AFF3: variants seen among roughly 807,000 people sequenced by gnomAD.
AFF3 encodes AF4/FMR2 family member 3.
Under a neutral mutation model 129.7 loss-of-function variants are expected in AFF3, and 32 were observed. The observed-to-expected ratio is 0.25, with a 90% CI of 0.19 to 0.33. The LOEUF (loss-of-function observed/expected upper bound fraction) is 0.33. Ranked by LOEUF, AFF3 falls within the 10% of genes least tolerant of loss-of-function variation. The pLI, the probability that AFF3 is intolerant of heterozygous loss-of-function variation, is 1.00. For synonymous variants in AFF3, 644 were observed against 635.4 expected (o/e 1.01, Z -0.20); for missense variants, 1,373 against 1,592.0 (o/e 0.86, Z 2.34).
intron 7 of AFF3, among the ~76,000 whole-genome samples, chr2:99,983,658 C>A (rs1208524370): frequency 1.3e-5 from 2 of 152,052 alleles, no homozygotes; most frequent in Non-Finnish European, 2.9e-5. Flanking sequence ...ATGATCTGGG[C>A]AATCTAGGTG....
chr2:99,604,637 C>T (rs781507388), intron 13 of AFF3, among the ~76,000 whole-genome samples: 9 of 152,060 alleles, frequency 5.9e-5, no homozygotes, highest in African/African-American at 9.7e-5. Flanking sequence ...TTAAAAAAAT[C>T]GTTTTTTGGT....
In AFF3 at chr2:99,645,536, T is replaced by C. The variant is rs988046798; in HGVS notation, c.1184+4090A>G. On this transcript the variant is annotated intron_variant, in intron 13 of 24. Coordinates refer to ENST00000672756, the MANE Select transcript of AFF3 (RefSeq NM_001386135.1). ...ACACCATCCCACTCTCACACACCCC[T>C]TCTTGTCACTGCTGGGCGGGAGGCG... Among the ~76,000 whole-genome samples the C allele has an allele frequency of 3.3e-5, 5 of 152,106 alleles. 1 individual carries two copies. Among genetic ancestry groups the C allele is most frequent in the African/African-American group, 1.2e-4 (5 of 41,432 alleles).
chr2:100,046,676 A>G (rs889441291), intron 4 of AFF3, among the ~76,000 whole-genome samples: 1 of 152,210 alleles, frequency 6.6e-6, no homozygotes, highest in African/African-American at 2.4e-5. Flanking sequence ...TATTTTAGAT[A>G]AATTATCTGT....
intron 13 of AFF3, chr2:99,630,973 G>C (rs913349028): frequency 1.3e-5 from 6 of 458,702 alleles, no homozygotes; most frequent in African/African-American, 2.0e-5. Context: ...GTGGAGCTGA[G>C]ACAGAGGAGG....
chr2:99,976,409 G>A (rs1048150128), intron 7 of AFF3, among the ~76,000 whole-genome samples: 6 of 152,114 alleles, frequency 3.9e-5, no homozygotes, highest in South Asian at 2.1e-4. Flanking sequence ...CATCGTTCCC[G>A]CAGATATACA....
intron 11 of AFF3, among the ~76,000 whole-genome samples, chr2:99,709,213 A>AT (rs1677680559): frequency 6.6e-6 from 1 of 152,124 alleles, no homozygotes; most frequent in African/African-American, 2.4e-5. Flanking sequence ...AAATAGGGAG[A>AT]TCTCTTTTTT....
At chr2:99,621,102 C>T (rs1371235100) in intron 13 of AFF3, among the ~76,000 whole-genome samples, 5 of 152,220 alleles carry the variant, frequency 3.3e-5, no homozygotes, top group African/African-American at 9.6e-5. Context: ...ATGCCTAACC[C>T]GAATTTCCAA....
chr2:99,919,443 T>C (rs1380982936), intron 7 of AFF3, among the ~76,000 whole-genome samples: 1 of 152,102 alleles, frequency 6.6e-6, no homozygotes, highest in African/African-American at 2.4e-5. Flanking sequence ...ACTAACCCAA[T>C]CCTCCAGGCA....
chr2:99,701,373 A>T (rs761429126), intron 11 of AFF3, among the ~76,000 whole-genome samples: 2 of 152,240 alleles, frequency 1.3e-5, no homozygotes, highest in African/African-American at 2.4e-5. Flanking sequence ...TCACTGGCAC[A>T]CTGGAGGATT....
At chr2:100,084,918 A>T (rs1431262232) in intron 4 of AFF3, among the ~76,000 whole-genome samples, 2 of 147,964 alleles carry the variant, frequency 1.4e-5, no homozygotes, top group Non-Finnish European at 3.0e-5. Flanking sequence ...AGAATAGCTT[A>T]TAGATGTTAA....
At chr2:99,736,128 T>C (rs1318513428) in intron 10 of AFF3, among the ~76,000 whole-genome samples, 1 of 152,222 alleles carries the variant, frequency 6.6e-6, no homozygotes, top group African/African-American at 2.4e-5. Context: ...TTGGGTAATG[T>C]ACTCTTGCTC....
chr2:99,593,712 C>T lies in AFF3; in HGVS notation c.1949G>A (p.Arg650His). Residue 650 changes from arginine to histidine, a missense_variant, in exon 15 of 25, where the codon CGC becomes CAC. Around this residue, in one of 9 missense-constraint regions of AFF3, gnomAD observed 466 missense variants for 505.0 expected, o/e 0.92. Transcript: ENST00000672756. ...GATCCTGCTTAGCCCCCGCGTGCGG[C>T]GCTTCTCGCAGGTCACGGAGGAGCG... is the stretch of plus-strand genomic sequence containing the variant. ...ELRSSVTCEK[R>H]RTRGLSRIVP... is the part of the protein sequence containing the mutation. 2 of 1,610,316 alleles carry T rather than the reference C, an allele frequency of 1.2e-6. No individual in the cohort carries two copies. Among genetic ancestry groups the T allele is most frequent in the Non-Finnish European group, 1.7e-6 (2 of 1,177,960 alleles).
intron 7 of AFF3, among the ~76,000 whole-genome samples, chr2:99,959,772 TTCTA>T (rs1677048169): frequency 6.6e-6 from 1 of 150,764 alleles, no homozygotes; most frequent in Non-Finnish European, 1.5e-5. Flanking sequence ...TTTCTCCCCT[TTCTA>T]TCTGCTTGTA....
intron 20 of AFF3, among the ~76,000 whole-genome samples, chr2:99,562,361 T>A (rs184301581): frequency 2.0e-5 from 3 of 152,344 alleles, no homozygotes; most frequent in Non-Finnish European, 4.4e-5. Context: ...TATTTCTTCT[T>A]TACTGCTCAG....
intron 2 of AFF3, chr2:100,107,558 G>C (rs1691359081): frequency 1.0e-6 from 1 of 963,864 alleles, no homozygotes. Context: ...CTTGTGACCT[G>C]AGGGTCTTTT....
chr2:99,929,156 C>T (rs1347430008), intron 7 of AFF3, among the ~76,000 whole-genome samples: 2 of 151,962 alleles, frequency 1.3e-5, no homozygotes, highest in Non-Finnish European at 2.9e-5. Context: ...GGAGAAACCC[C>T]GTCTCTACTA....
chr2:99,726,660 A>G (rs1161100367), intron 11 of AFF3, among the ~76,000 whole-genome samples: 2 of 152,218 alleles, frequency 1.3e-5, no homozygotes, highest in African/African-American at 4.8e-5. Context: ...GATATCGATA[A>G]TTGTGCTTTT....
intron 7 of AFF3, among the ~76,000 whole-genome samples, chr2:99,893,928 T>C (rs1359081170): frequency 6.6e-6 from 1 of 152,212 alleles, no homozygotes; most frequent in African/African-American, 2.4e-5. Context: ...AGGCTCCATG[T>C]ATCTGAACCA....
chr2:100,105,154 C>T lies in AFF3; in HGVS notation c.-65+350G>A, dbSNP rs13409561. 2,001 of 274,136 alleles carry T rather than the reference C, an allele frequency of 7.3e-3. 50 individuals are homozygous for T. Among genetic ancestry groups the T allele is most frequent in the African/African-American group, 0.043 (1,886 of 43,368 alleles). The allele number at this position is 274,136 out of a possible 1,614,324, so 17.0% of individuals were successfully genotyped here. A position where few individuals can be genotyped will look rare whatever the true frequency, so the allele number is the denominator to read the frequency against. The stretch of plus-strand genomic sequence containing the variant: ...CCTGTCGCATCCCTCGGCCGCCCGC[C>T]CGCGCCCGGCCCCGCCCGGCCTTGC... On this transcript the variant is annotated intron_variant, in intron 3 of 24. Coordinates refer to ENST00000672756, the MANE Select transcript of AFF3 (RefSeq NM_001386135.1).
Sources: gnomAD v4.1 joint callset for allele counts (sites outside exome capture counted in the v4.1 genomes callset) on GRCh38, gnomAD v4.1.1 for gene constraint, gnomAD v4.1.1 regional missense constraint, MANE v1.5 for transcripts, NCBI Gene and HGNC (gene_info 2026-07-23, HGNC 2026-07-21) for gene names.